AATK: variants seen among roughly 807,000 people sequenced by gnomAD.
The protein encoded by AATK is lemur tail kinase 1.
A neutral mutation model predicts 114.3 loss-of-function variants in AATK; 91 were observed. That is an observed-to-expected ratio of 0.80 (90% CI 0.67 to 0.95). The LOEUF (loss-of-function observed/expected upper bound fraction) is 0.95. AATK is among the 40% of genes least tolerant of loss of function. The pLI, the probability that AATK is intolerant of heterozygous loss-of-function variation, is 0.00. For missense variants in AATK, 2,176 were observed against 1,965.2 expected, an observed-to-expected ratio of 1.11 and a Z score of -2.03; for synonymous variants, 1,075 against 916.5, an observed-to-expected ratio of 1.17 and a Z score of -3.12.
In AATK at chr17:81,119,812, C is replaced by T; in HGVS notation, c.3883+124G>A. 6 of 1,344,540 alleles carry T rather than the reference C, an allele frequency of 4.5e-6. No homozygotes were observed. The South Asian group carries it at 9.6e-5, about 22-fold the overall frequency. 83.3% of individuals were successfully genotyped at this position (1,344,540 alleles called of 1,614,324 possible). On this transcript the variant is annotated intron_variant, in intron 12 of 13. Coordinates refer to ENST00000326724, the MANE Select transcript of AATK (RefSeq NM_001080395.3). The stretch of plus-strand genomic sequence containing the variant: ...CCATGACGACACGGGCCAAAGCCCG[C>T]CTCCCACGCGTCAAGGACCAGGTGC...
chr17:81,118,763 T>C (rs2146270230), intron 13 of AATK, among the ~76,000 whole-genome samples: 1 of 152,306 alleles, frequency 6.6e-6, no homozygotes, highest in Admixed American at 6.5e-5. Context: ...GGGGGCACCC[T>C]GCACCAGGGG....
At position 81,122,049 on chromosome 17, in the gene AATK, C is replaced by T. The variant is rs753320625; in HGVS notation, c.1887G>A (p.Trp629Ter). ...AGGCAGGACAGAAGGCGGCCACGCC[C>T]CAGTCTGCATCCTCCGCTCCTCCCT... ...LAEGGAEDAD[W>*]GVAAFCPAFF... The change falls in exon 11 of 14, where the codon TGG (tryptophan) becomes TGA (stop). Residue 629 changes from tryptophan (W) to a stop codon, truncating the protein, a stop_gained. Transcript: ENST00000326724. LOFTEE classifies it high-confidence loss of function. 1 of 1,596,960 alleles carries T rather than the reference C, an allele frequency of 6.3e-7. No homozygotes were observed. The highest frequency in any genetic ancestry group is 8.5e-7 in the Non-Finnish European group (1 of 1,178,416).
intron 1 of AATK, 27 bp downstream of exon 1, chr17:81,165,911 G>A (rs747315725): frequency 1.3e-5 from 20 of 1,566,222 alleles, no homozygotes; most frequent in Non-Finnish European, 1.6e-5. Flanking sequence ...AGGCAGCGGC[G>A]CGCAGGCCGG....
Position 81,122,366 on chromosome 17 carries a change from G to GGCTGT in AATK, c.1565_1569dup (p.Pro524ThrfsTer13), listed in dbSNP as rs1487186299. On this transcript the variant is annotated frameshift_variant, in exon 11 of 14. Transcript: ENST00000326724. LOFTEE classifies it high-confidence loss of function. ...ATGAAGTACTCGCTGCCCAGCGACG[G>GGCTGT]GCTGTGCGCGCTGAGCACCGGAACC... 6.6e-7 allele frequency: 1 copy of GGCTGT among 1,506,344 alleles called. No homozygotes were observed. The highest frequency in any genetic ancestry group is 8.8e-7 in the Non-Finnish European group (1 of 1,131,700). The allele number at this position is 1,506,344 out of a possible 1,614,324, so 93.3% of individuals were successfully genotyped here.
chr17:81,160,380 G>A (rs1016517723), intron 1 of AATK: 1 of 402,844 alleles, frequency 2.5e-6, no homozygotes, highest in African/African-American at 2.2e-5. Context: ...GGAGGCTGGA[G>A]ACCCGGCGAG....
chr17:81,133,675 C>T (rs2060969530), intron 2 of AATK, among the ~76,000 whole-genome samples: 3 of 152,154 alleles, frequency 2.0e-5, no homozygotes, highest in Non-Finnish European at 4.4e-5. Flanking sequence ...CCTGGCCCTC[C>T]CTGCTGCTCA....
rs981771907 is a variant in AATK at position 81,126,672 on chromosome 17, A to G, written c.622-112T>C. The G allele has an allele frequency of 1.4e-5, 20 of 1,453,246 alleles. No homozygotes were observed. In the African/African-American group the frequency reaches 2.8e-4, roughly 21 times the overall value. The allele number at this position is 1,453,246 out of a possible 1,614,324, so 90.0% of individuals were successfully genotyped here. ...CCCCTACCCACAGCTGAGGGACAGC[A>G]GCTGCCCAGAGCAGCCTCGTGCCCT... On this transcript the variant is annotated intron_variant, in intron 6 of 13. Coordinates refer to ENST00000326724, the MANE Select transcript of AATK (RefSeq NM_001080395.3). This position sits in a 1 kb window ranked among gnomAD's most constrained non-coding sequence, Gnocchi z 5.1.
Position 81,119,938 on chromosome 17 carries a change from T to C in AATK, c.3881A>G (p.Glu1294Gly). The change falls in exon 12 of 14, where the codon GAG becomes GGG. Residue 1294 changes from glutamate to glycine, a missense_variant and splice_region_variant. Transcript: ENST00000326724. Reference protein sequence around the residue: ...DGSPNGSTAEEGGGFAWDDDF... With the variant: ...DGSPNGSTAEGGGGFAWDDDF... The stretch of plus-strand genomic sequence containing the variant: ...GGCCCAGCCCCGCCCCTGCTCACCC[T>C]CTTCCGCTGTGGAGCCATTTGGGGA... 1 of 1,440,418 alleles carries C rather than the reference T, an allele frequency of 6.9e-7. No homozygotes were observed. The highest frequency in any genetic ancestry group is 9.1e-7 in the Non-Finnish European group (1 of 1,099,148). 89.2% of individuals were successfully genotyped at this position (1,440,418 alleles called of 1,614,324 possible).
At chr17:81,165,848 C>G in intron 1 of AATK, 90 bp downstream of exon 1, 7 of 1,527,780 alleles carry the variant, frequency 4.6e-6, no homozygotes, top group Middle Eastern at 1.7e-4. Flanking sequence ...GGGTTAATTT[C>G]CATGCAAACC....
intron 9 of AATK, 87 bp from the exon 10 acceptor site, chr17:81,123,430 G>A: frequency 3.3e-6 from 4 of 1,218,400 alleles, no homozygotes; most frequent in Non-Finnish European, 4.2e-6. Context: ...GAATGGGGCA[G>A]CTCCCGCCAT....
chr17:81,131,174 G>A lies in AATK; in HGVS notation c.221C>T (p.Ala74Val). The change falls in exon 3 of 14, where the codon GCA (alanine) becomes GTA (valine). Residue 74 changes from alanine to valine, a missense_variant. Ala to Val is a moderately conservative substitution (Grantham distance 64). Coordinates refer to ENST00000326724, the MANE Select transcript of AATK (RefSeq NM_001080395.3). The stretch of plus-strand genomic sequence containing the variant: ...CGGGGAGCCCTGCGCCAGGTCGGCT[G>A]CGTACTCGTCCCCCTCCGCATTCTC... ...EFENAEGDEY[A>V]ADLAQGSPAT... 3 of 1,580,912 alleles carry A rather than the reference G, an allele frequency of 1.9e-6. No homozygotes were observed. Among genetic ancestry groups the A allele is most frequent in the Non-Finnish European group, 2.6e-6 (3 of 1,165,430 alleles).
chr17:81,126,596 C>A lies in AATK; in HGVS notation c.622-36G>T. ...GGGGTGTGGCGCAGTCACCAGCAGG[C>A]TGGGGGCTGGCCACCCTGGGAGGTC... On this transcript the variant is annotated intron_variant, in intron 6 of 13. Coordinates refer to ENST00000326724, the MANE Select transcript of AATK (RefSeq NM_001080395.3). This position sits in a 1 kb window ranked among gnomAD's most constrained non-coding sequence, Gnocchi z 5.1. The A allele has an allele frequency of 6.6e-7, 1 of 1,521,948 alleles. No homozygotes were observed. The highest frequency in any genetic ancestry group is 8.9e-7 in the Non-Finnish European group (1 of 1,126,312). The allele number at this position is 1,521,948 out of a possible 1,614,324, so 94.3% of individuals were successfully genotyped here.
At chr17:81,131,985 C>G (rs1263535626) in intron 2 of AATK, 3 of 1,318,798 alleles carry the variant, frequency 2.3e-6, no homozygotes, top group South Asian at 2.4e-5. Flanking sequence ...TCCTTAAGAG[C>G]CTGGCCCCGT....
At position 81,121,382 on chromosome 17, in the gene AATK, CG is replaced by C; in HGVS notation, c.2553del (p.Glu852ArgfsTer252). On this transcript the variant is annotated frameshift_variant, in exon 11 of 14. Coordinates refer to ENST00000326724, the MANE Select transcript of AATK (RefSeq NM_001080395.3). LOFTEE classifies it high-confidence loss of function. ...ASALNGSSSSPEVEAPSSEDE... is the reference protein window; with the variant it reads ...ASALNGSSSSXEVEAPSSEDE... The stretch of plus-strand genomic sequence containing the variant: ...TCCTCACTGCTGGGTGCCTCCACCT[CG>C]GGAGAGCTGCTGCTGCCATTCAGGG... 2 of 1,610,094 alleles carry C rather than the reference CG, an allele frequency of 1.2e-6. No homozygotes were observed. The highest frequency in any genetic ancestry group is 2.2e-5 in the South Asian group (2 of 90,652).
intron 13 of AATK, 95 bp downstream of exon 13, chr17:81,119,285 G>T: frequency 7.6e-7 from 1 of 1,312,558 alleles, no homozygotes; most frequent in Non-Finnish European, 1.0e-6. Context: ...GCCGGGGCTG[G>T]CCCGGCCCAG....
chr17:81,132,033 T>C (rs2146328591), intron 2 of AATK: 1 of 1,303,904 alleles, frequency 7.7e-7, no homozygotes, highest in Non-Finnish European at 1.0e-6. Context: ...CAGGCTGCTA[T>C]TTTGAAATGT....
Position 81,123,193 on chromosome 17 carries a change from C to A in AATK, c.1112+1G>T. 2 of 1,423,558 alleles carry A rather than the reference C, an allele frequency of 1.4e-6. No homozygotes were observed. Among genetic ancestry groups the A allele is most frequent in the Admixed American group, 6.9e-5 (2 of 29,164 alleles). The allele number at this position is 1,423,558 out of a possible 1,614,324, so 88.2% of individuals were successfully genotyped here. A position where few individuals can be genotyped will look rare whatever the true frequency, so the allele number is the denominator to read the frequency against. ...CCGGGACAGGGCAGTGGGGCCCTCACCAGCGGTCCGACAGGGTCAGCTGCA... is the reference window on the plus strand; with the variant it reads ...CCGGGACAGGGCAGTGGGGCCCTCAACAGCGGTCCGACAGGGTCAGCTGCA... On this transcript the variant is annotated splice_donor_variant, in intron 10 of 13. Coordinates refer to ENST00000326724, the MANE Select transcript of AATK (RefSeq NM_001080395.3). LOFTEE classifies it high-confidence loss of function.
Position 81,134,486 on chromosome 17 carries a change from C to T in AATK, c.71G>A (p.Ser24Asn), listed in dbSNP as rs2060981346. The T allele has an allele frequency of 6.2e-7, 1 of 1,612,370 alleles. No individual in the cohort carries two copies. Residue 24 changes from serine to asparagine, a missense_variant, in exon 2 of 14, where the codon AGC becomes AAC. Ser to Asn is a conservative substitution (Grantham distance 46). Transcript: ENST00000326724. The part of the protein sequence containing the change: ...SHFDPDGAPL[S>N]ELSWPSSLAV... ...GAGGGAGGATGGCCAGGACAGCTCG[C>T]TGAGCGGGGCGCCGTCTGCGGGAGA...
Position 81,122,160 on chromosome 17 carries a change from G to A in AATK, c.1776C>T (p.Asp592=), listed in dbSNP as rs778147344. 4.9e-5 allele frequency: 74 copies of A among 1,518,002 alleles called. No individual in the cohort carries two copies. The African/African-American group carries it at 8.8e-4, about 18-fold the overall frequency. The allele number at this position is 1,518,002 out of a possible 1,614,324, so 94.0% of individuals were successfully genotyped here. A position where few individuals can be genotyped will look rare whatever the true frequency, so the allele number is the denominator to read the frequency against. ...GCGCCAAGCTTCTGCGAGGGTAGTG[G>A]TCGCCGCGGCCCCAGGGGACGTCGA... The part of the protein sequence containing the change: ...PPVDVPWGRG[D]HYPRRSLARD... The change falls in exon 11 of 14, where the codon GAC becomes GAT. Residue 592 remains aspartate, a synonymous_variant. Transcript: ENST00000326724.
Sources: gnomAD v4.1 joint callset for allele counts (sites outside exome capture counted in the v4.1 genomes callset) on GRCh38, gnomAD v4.1.1 for gene constraint, Gnocchi (gnomAD v3.1) non-coding constraint, MANE v1.5 for transcripts, NCBI Gene and HGNC (gene_info 2026-07-23, HGNC 2026-07-21) for gene names.